Variants in DOCK10 observed in about 807,000 individuals in gnomAD.
The protein encoded by DOCK10 is dedicator of cytokinesis protein 10.
Under a neutral mutation model 280.1 loss-of-function variants are expected in DOCK10, and 145 were observed. The observed-to-expected ratio is 0.52, with a 90% CI of 0.45 to 0.59. The LOEUF is 0.59. DOCK10 is among the 20% of genes least tolerant of loss of function. The pLI is 0.00. For synonymous variants in DOCK10, 915 were observed against 942.2 expected (o/e 0.97, Z 0.53); for missense variants, 2,368 against 2,651.7 (o/e 0.89, Z 2.35).
intron 25 of DOCK10, among the ~76,000 whole-genome samples, chr2:224,835,321 T>C (rs1695523826): frequency 6.6e-6 from 1 of 152,262 alleles, no homozygotes; most frequent in Non-Finnish European, 1.5e-5. Flanking sequence ...AAACTGGCAC[T>C]GAAATATTCT....
intron 2 of DOCK10, among the ~76,000 whole-genome samples, chr2:224,930,440 GAA>G (rs35717885): frequency 6.6e-6 from 1 of 152,000 alleles, no homozygotes; most frequent in Non-Finnish European, 1.5e-5. Flanking sequence ...TTAAAATTTT[GAA>G]AAACATTGGA....
intron 26 of DOCK10, among the ~76,000 whole-genome samples, chr2:224,831,426 G>A (rs529758935): frequency 2.0e-5 from 3 of 152,344 alleles, no homozygotes; most frequent in East Asian, 1.9e-4. Flanking sequence ...CTGCCCCAGG[G>A]TGTGAGGTCC....
rs374472028 is a variant in DOCK10 at position 224,805,211 on chromosome 2, G to A, written c.4046C>T (p.Ser1349Leu). Residue 1349 changes from serine (S) to leucine (L), a missense_variant, in exon 36 of 56, where the codon TCG becomes TTG. Ser to Leu is a moderately radical substitution (Grantham distance 145). Transcript: ENST00000258390. The surrounding 1 kb of genome is among the most constrained non-coding windows in gnomAD (Gnocchi z 4.3). Reference sequence around the variant, plus strand: ...AATTAAAGAATTCTCTTTACCGTACGAAATCGTTTTCATAATGTGAAGAAA... The same window carrying A: ...AATTAAAGAATTCTCTTTACCGTACAAAATCGTTTTCATAATGTGAAGAAA... ...MCFLHIMKTI[S>L]YETLIAYWQR... 39 of 1,608,896 alleles carry A rather than the reference G, an allele frequency of 2.4e-5. No individual in the cohort carries two copies. In the South Asian group the frequency reaches 2.8e-4, roughly 11 times the overall value.
intron 39 of DOCK10, among the ~76,000 whole-genome samples, chr2:224,803,311 A>G (rs1306934730): frequency 6.6e-6 from 1 of 151,964 alleles, no homozygotes. Flanking sequence ...ACTTTCTCAC[A>G]AGGGGGCAAT....
At chr2:225,014,098 G>GT (rs779702257) in intron 1 of DOCK10, among the ~76,000 whole-genome samples, 2,449 of 91,676 alleles carry the variant, frequency 0.027, 51 homozygotes, top group Admixed American at 0.049. Context: ...TTTTTTTTTT[G>GT]TTTTTTTTTT....
Position 224,773,259 on chromosome 2 carries a change from G to A in DOCK10, c.6102C>T (p.Asp2034=), listed in dbSNP as rs16866166. The A allele has an allele frequency of 8.4e-4, 1,358 of 1,613,854 alleles. 9 individuals are homozygous for A. The African/African-American group carries it at 0.016, about 19-fold the overall frequency. ...GCTCAGAAACCTTCTTGGACATCTC[G>A]TCAATTGCCACTTCAATTGGATTCA... ...TELNPIEVAI[D]EMSKKVSELN... is the part of the protein sequence containing the mutation. The change falls in exon 53 of 56, where the codon GAC becomes GAT. Residue 2034 remains aspartate (D), a synonymous_variant. Transcript: ENST00000258390.
At chr2:224,916,872 T>G in intron 2 of DOCK10, 88 bp from the exon 3 acceptor site, 2 of 943,052 alleles carry the variant, frequency 2.1e-6, no homozygotes, top group Non-Finnish European at 3.3e-6. Flanking sequence ...GGGAAGTCTT[T>G]TAGATCTTAG....
At chr2:224,947,637 C>G (rs1411334324) in intron 1 of DOCK10, among the ~76,000 whole-genome samples, 1 of 152,152 alleles carries the variant, frequency 6.6e-6, no homozygotes, top group Admixed American at 6.5e-5. Flanking sequence ...AGTTAGTTCC[C>G]TCATCTTTAG....
intron 44 of DOCK10, 165 bp from the exon 45 acceptor site, chr2:224,795,259 G>A (rs1692484646): frequency 1.6e-6 from 1 of 620,920 alleles, no homozygotes; most frequent in African/African-American, 1.8e-5. Flanking sequence ...TTGTGACTGT[G>A]GATACACACA....
intron 53 of DOCK10, among the ~76,000 whole-genome samples, chr2:224,771,868 G>A (rs940333720): frequency 2.6e-5 from 4 of 151,920 alleles, no homozygotes; most frequent in East Asian, 3.9e-4. Flanking sequence ...GGTAGGGAAC[G>A]GGAGAGTGTG....
At chr2:224,821,158 T>C (rs1694480387) in intron 28 of DOCK10, among the ~76,000 whole-genome samples, 2 of 152,344 alleles carry the variant, frequency 1.3e-5, no homozygotes, top group African/African-American at 4.8e-5. Flanking sequence ...TAATGTGGGG[T>C]AAGGGAGGCT....
intron 11 of DOCK10, among the ~76,000 whole-genome samples, chr2:224,869,378 T>C (rs1240637732): frequency 1.3e-5 from 2 of 152,218 alleles, no homozygotes; most frequent in African/African-American, 2.4e-5. Context: ...AATGCAGTAG[T>C]TGGCTCCTAA....
At chr2:224,774,859 G>C (rs1420051428) in intron 52 of DOCK10, 46 bp downstream of exon 52, 2 of 1,532,070 alleles carry the variant, frequency 1.3e-6, no homozygotes, top group Non-Finnish European at 8.9e-7. Context: ...AAAGGGGCCT[G>C]TGCTGGAACA....
At chr2:224,818,084 G>A (rs375352026) in intron 29 of DOCK10, among the ~76,000 whole-genome samples, 3 of 152,170 alleles carry the variant, frequency 2.0e-5, no homozygotes, top group Non-Finnish European at 4.4e-5. Flanking sequence ...GTGTTGGGGG[G>A]AGAAAATGGC....
Position 224,808,025 on chromosome 2 carries a change from C to G in DOCK10, c.3471G>C (p.Leu1157=), listed in dbSNP as rs369877355. ...GCAGGGCAAAGCCAACTTCTCGGAG[C>G]AGAATTCCGATTAAGAAGTGTTTGC... ...FCRKHFLIGI[L]LREVGFALQE... Residue 1157 remains leucine, a synonymous_variant, in exon 32 of 56, where the codon CTG becomes CTC. Transcript: ENST00000258390. 6 of 1,612,592 alleles carry G rather than the reference C, an allele frequency of 3.7e-6. No individual in the cohort carries two copies. The African/African-American group carries it at 8.0e-5, about 22-fold the overall frequency.
intron 52 of DOCK10, among the ~76,000 whole-genome samples, chr2:224,774,087 T>C (rs1174654329): frequency 6.6e-6 from 1 of 152,230 alleles, no homozygotes; most frequent in African/African-American, 2.4e-5. Context: ...TCAAAAGTTT[T>C]GGATACATTT....
At chr2:224,836,414 T>C (rs1031363101) in intron 25 of DOCK10, among the ~76,000 whole-genome samples, 1 of 152,238 alleles carries the variant, frequency 6.6e-6, no homozygotes, top group East Asian at 1.9e-4. Flanking sequence ...ATTTTTGGCA[T>C]ATAGCCTATG....
At chr2:224,776,345 A>G (rs764345516) in intron 51 of DOCK10, among the ~76,000 whole-genome samples, 6 of 152,154 alleles carry the variant, frequency 3.9e-5, no homozygotes, top group African/African-American at 7.2e-5. Flanking sequence ...TGACCAGCTA[A>G]TTTCTCTAAG....
At chr2:224,868,811 T>C (rs1698087150) in intron 11 of DOCK10, among the ~76,000 whole-genome samples, 1 of 152,162 alleles carries the variant, frequency 6.6e-6, no homozygotes, top group Non-Finnish European at 1.5e-5. Context: ...GTGGTAGTAG[T>C]AGTCTGCCAA....
Sources: allele counts gnomAD v4.1 joint callset (sites outside exome capture counted in the v4.1 genomes callset), GRCh38; gene constraint gnomAD v4.1.1; non-coding constraint Gnocchi (gnomAD v3.1); transcripts MANE v1.5; gene names NCBI Gene and HGNC (gene_info 2026-07-23, HGNC 2026-07-21).